The following DDX17 variants were observed in gnomAD, a reference collection of about 807,000 sequenced individuals.
The protein encoded by DDX17 is DEAD-box helicase 17.
DDX17 carries 10 observed loss-of-function variants against 80.8 expected under a neutral mutation model. The ratio of observed to expected loss-of-function variants is 0.12; its 90% CI spans 0.08 to 0.21. The LOEUF (loss-of-function observed/expected upper bound fraction) is 0.21. DDX17 is among the 10% of genes least tolerant of loss of function. The probability of loss-of-function intolerance (pLI) is 1.00; values close to 1 mark genes in which losing one functional copy is unlikely to be tolerated. For synonymous variants in DDX17, 339 were observed against 336.2 expected (o/e 1.01, Z -0.09); for missense variants, 586 against 957.4 (o/e 0.61, Z 5.12).
At chr22:38,490,118 T>C in intron 11 of DDX17, 1 of 1,145,510 alleles carries the variant, frequency 8.7e-7, no homozygotes. Context: ...CACAGCTGGA[T>C]GGGGGCACAC....
intron 2 of DDX17, among the ~76,000 whole-genome samples, chr22:38,499,794 T>C (rs1040915888): frequency 3.3e-5 from 5 of 152,178 alleles, no homozygotes; most frequent in Non-Finnish European, 5.9e-5. Context: ...CCAAGTACTC[T>C]TTCCATTACA....
Position 38,492,129 on chromosome 22 carries a change from C to T in DDX17, c.1388-14G>A, listed in dbSNP as rs553164683. On this transcript the variant is annotated splice_polypyrimidine_tract_variant and intron_variant, in intron 10 of 12. Transcript: ENST00000403230. ...CAGAACGGAACTCTGTAAAAACAAA[C>T]AATAATCATCATCAAATAAGCATTC... The T allele has an allele frequency of 3.7e-6, 6 of 1,601,912 alleles. No individual in the cohort carries two copies. In the South Asian group the frequency reaches 6.7e-5, roughly 18 times the overall value.
chr22:38,492,883 A>T (rs759617525), intron 10 of DDX17, among the ~76,000 whole-genome samples: 3 of 152,368 alleles, frequency 2.0e-5, no homozygotes, highest in Non-Finnish European at 4.4e-5. Context: ...AATATGCTAA[A>T]ATATGACTCA....
chr22:38,497,960 T>G, intron 5 of DDX17, 125 bp downstream of exon 5: 1 of 834,822 alleles, frequency 1.2e-6, no homozygotes, highest in Non-Finnish European at 1.9e-6. Context: ...AAGATGAGAA[T>G]GAAACCATTT....
chr22:38,498,072 GAA>G lies in DDX17; in HGVS notation c.738+11_738+12del, dbSNP rs781442237. 2 of 1,612,104 alleles carry G rather than the reference GAA, an allele frequency of 1.2e-6. No individual in the cohort carries two copies. Among genetic ancestry groups the G allele is most frequent in the Non-Finnish European group, 1.7e-6 (2 of 1,178,578 alleles). ...TTTTTCTTAGAATTACAAAGAAACTGAAACACACTTACGATTGGGCCATCTCC... is the reference window on the plus strand; with the variant it reads ...TTTTTCTTAGAATTACAAAGAAACTGACACACTTACGATTGGGCCATCTCC... On this transcript the variant is annotated intron_variant, in intron 5 of 12. Coordinates refer to ENST00000403230, the MANE Select transcript of DDX17 (RefSeq NM_006386.5).
chr22:38,505,147 G>A (rs2089868159), intron 1 of DDX17: 1 of 152,244 alleles, frequency 6.6e-6, no homozygotes, highest in Non-Finnish European at 1.5e-5. Context: ...GACCTCCGGT[G>A]ATCCGCCCGC....
chr22:38,505,129 G>C (rs1171251556), intron 1 of DDX17: 1 of 152,164 alleles, frequency 6.6e-6, no homozygotes, highest in East Asian at 1.9e-4. Context: ...GGCTGGTCTC[G>C]AACTCCTGAC....
rs2089638138 is a variant in DDX17 at position 38,484,777 on chromosome 22, T to G, written c.*1158A>C. ...TGACTTTTCTTAAGCACTACCTACC[T>G]GTAATAAGCTGAGTGCAAAAGGATG... On this transcript the variant is annotated 3_prime_UTR_variant, in exon 13 of 13. Transcript: ENST00000403230. 1 of 152,218 alleles carries G rather than the reference T, an allele frequency of 6.6e-6. No homozygotes were observed. Among genetic ancestry groups the G allele is most frequent in the Non-Finnish European group, 1.5e-5 (1 of 68,054 alleles). 9.4% of individuals were successfully genotyped at this position (152,218 alleles called of 1,614,324 possible).
At chr22:38,487,361 G>A (rs577463125) in intron 12 of DDX17, among the ~76,000 whole-genome samples, 1 of 152,194 alleles carries the variant, frequency 6.6e-6, no homozygotes, top group African/African-American at 2.4e-5. Flanking sequence ...GCTCACTCCT[G>A]TAATCTCAGC....
At chr22:38,488,168 AGGTAAAGGACAT>A in intron 11 of DDX17, 53 bp from the exon 12 acceptor site, 1 of 1,612,146 alleles carries the variant, frequency 6.2e-7, no homozygotes, top group Non-Finnish European at 8.5e-7. Context: ...GGGAAAGAGA[AGGTAAAGGACAT>A]GCCAACAACA....
At chr22:38,492,748 A>G (rs2089725661) in intron 10 of DDX17, among the ~76,000 whole-genome samples, 1 of 152,186 alleles carries the variant, frequency 6.6e-6, no homozygotes, top group Non-Finnish European at 1.5e-5. Context: ...AGCCTCCCAA[A>G]GTGCTGGGAT....
Position 38,485,826 on chromosome 22 carries a change from A to AC in DDX17, c.*108_*109insG. Reference sequence around the variant, plus strand: ...GGTTGGGGGGAAAAATTAAAAAAAAAAAAAGAAAAAAGGAAAAAAAAAGAA... The same window carrying AC: ...GGTTGGGGGGAAAAATTAAAAAAAAACAAAAGAAAAAAGGAAAAAAAAAGAA... On this transcript the variant is annotated 3_prime_UTR_variant, in exon 13 of 13. Transcript: ENST00000403230. 7.2e-7 allele frequency: 1 copy of AC among 1,397,562 alleles called. No individual in the cohort carries two copies. The highest frequency in any genetic ancestry group is 9.3e-7 in the Non-Finnish European group (1 of 1,074,568). 86.6% of individuals were successfully genotyped at this position (1,397,562 alleles called of 1,614,324 possible).
chr22:38,490,370 C>T, intron 11 of DDX17: 1 of 1,289,402 alleles, frequency 7.8e-7, no homozygotes, highest in South Asian at 1.2e-5. Context: ...TCATCTAGAG[C>T]TGCTTCCGGC....
At chr22:38,502,591 G>C (rs957021482) in intron 1 of DDX17, among the ~76,000 whole-genome samples, 1 of 152,056 alleles carries the variant, frequency 6.6e-6, no homozygotes, top group Non-Finnish European at 1.5e-5. Flanking sequence ...TCAACTTCTT[G>C]CTTTTTATAT....
intron 12 of DDX17, 86 bp downstream of exon 12, chr22:38,487,793 C>A (rs1433417248): frequency 4.9e-6 from 7 of 1,417,154 alleles, no homozygotes. Flanking sequence ...TTACAGCCTT[C>A]TTAAAAACAG....
At position 38,496,038 on chromosome 22, in the gene DDX17, T is replaced by C; in HGVS notation, c.739-101A>G. 4 of 1,121,436 alleles carry C rather than the reference T, an allele frequency of 3.6e-6. No homozygotes were observed. The South Asian group carries it at 7.0e-5, about 20-fold the overall frequency. 69.5% of individuals were successfully genotyped at this position (1,121,436 alleles called of 1,614,324 possible). On this transcript the variant is annotated intron_variant, in intron 5 of 12. Transcript: ENST00000403230. ...ACAAAAAGCTAATTTAATTCTTTGC[T>C]GTCTAATCTAGCACATTAAAAGTGA...
chr22:38,497,345 G>A (rs1470119107), intron 5 of DDX17, among the ~76,000 whole-genome samples: 6 of 146,592 alleles, frequency 4.1e-5, no homozygotes, highest in Admixed American at 6.9e-5. Context: ...TGCCAGGCGC[G>A]GTGGCTCACA....
intron 11 of DDX17, 132 bp from the exon 12 acceptor site, chr22:38,488,247 A>G (rs778301582): frequency 6.4e-7 from 1 of 1,570,906 alleles, no homozygotes; most frequent in Non-Finnish European, 8.6e-7. Context: ...GTTAGTAACC[A>G]CTCTGAACAG....
chr22:38,495,078 G>A (rs754076535), intron 6 of DDX17, 32 bp from the exon 7 acceptor site: 4 of 1,597,762 alleles, frequency 2.5e-6, no homozygotes, highest in East Asian at 2.2e-5. Flanking sequence ...CGAGCCAATC[G>A]ACTAGGTGCA....
Sources: allele counts gnomAD v4.1 joint callset (sites outside exome capture counted in the v4.1 genomes callset), GRCh38; gene constraint gnomAD v4.1.1; transcripts MANE v1.5; gene names NCBI Gene and HGNC (gene_info 2026-07-23, HGNC 2026-07-21).